The following SERPINB12 variants were observed in gnomAD, a reference collection of about 807,000 sequenced individuals.
SERPINB12 encodes the protein serpin family B member 12, also known as serpin B12.
In SERPINB12, 57 loss-of-function variants were observed where a neutral mutation model predicts 41.1. That is an observed-to-expected ratio of 1.39 (90% CI 1.12 to 1.73). SERPINB12 has a LOEUF of 1.73. Ranked by LOEUF, SERPINB12 falls within the 40% of genes most tolerant of loss-of-function variation. The pLI is 0.00. For missense variants in SERPINB12, 536 were observed against 501.9 expected, an observed-to-expected ratio of 1.07 and a Z score of -0.65; for synonymous variants, 180 against 181.3, an observed-to-expected ratio of 0.99 and a Z score of 0.06.
At chr18:63,562,806 C>T (rs1910957177) in intron 5 of SERPINB12, among the ~76,000 whole-genome samples, 1 of 152,176 alleles carries the variant, frequency 6.6e-6, no homozygotes. Flanking sequence ...TCAACCTAAT[C>T]TATTATTATG....
At chr18:63,547,869 C>A (rs1418764631) in intron 1 of SERPINB12, among the ~76,000 whole-genome samples, 1 of 152,094 alleles carries the variant, frequency 6.6e-6, no homozygotes, top group Non-Finnish European at 1.5e-5. Context: ...GCTAAATAGT[C>A]TTCTAACATT....
chr18:63,525,823 A>G, the SERPINB12 span, among the ~76,000 whole-genome samples: 1 of 152,214 alleles, frequency 6.6e-6, no homozygotes, highest in Non-Finnish European at 1.5e-5. Context: ...TTATCACCCA[A>G]GTAAGAACTT....
At chr18:63,532,765 C>T in the SERPINB12 span, among the ~76,000 whole-genome samples, 53 of 152,200 alleles carry the variant, frequency 3.5e-4, 1 homozygote, top group African/African-American at 1.2e-3. Flanking sequence ...GGTACTAATT[C>T]TGGCTTCTGA....
chr18:63,527,289 A>G, the SERPINB12 span, among the ~76,000 whole-genome samples: 1 of 152,232 alleles, frequency 6.6e-6, no homozygotes, highest in Admixed American at 6.5e-5. Flanking sequence ...GGACAGAGAT[A>G]TATTATAGCT....
the SERPINB12 span, among the ~76,000 whole-genome samples, chr18:63,530,187 G>A: frequency 1.3e-5 from 2 of 152,268 alleles, no homozygotes; most frequent in South Asian, 2.1e-4. Flanking sequence ...GTCCACTGAA[G>A]CAAAGCTCTT....
chr18:63,566,808 T>G lies in SERPINB12; in HGVS notation c.1075T>G (p.Leu359Val). 1 of 1,614,142 alleles carries G rather than the reference T, an allele frequency of 6.2e-7. No homozygotes were observed. Among genetic ancestry groups the G allele is most frequent in the Non-Finnish European group, 8.5e-7 (1 of 1,180,022 alleles). ...TACTGGAATCTCTCCAAGTCCCAAT[T>G]TGTACTTGTCAAAAATTATCCACAA... The part of the protein sequence containing the change: ...DLTGISPSPN[L>V]YLSKIIHKTF... The change falls in exon 8 of 8, where the codon TTG becomes GTG. Residue 359 changes from leucine to valine, a missense_variant. Leu to Val is a conservative substitution (Grantham distance 32). Transcript: ENST00000382768.
In SERPINB12 at chr18:63,557,149, T is replaced by C. The variant is rs191743383; in HGVS notation, c.168+822T>C. On this transcript the variant is annotated intron_variant, in intron 2 of 7. Coordinates refer to ENST00000382768, the MANE Select transcript of SERPINB12 (RefSeq NM_001307928.2). ...ATCCCTCCTCACTGTACCTGTCACA[T>C]TGGCCTCCTGGCTTCCTTGGGTAAG... is the stretch of plus-strand genomic sequence containing the variant. 5.1e-3 allele frequency among the ~76,000 whole-genome samples: 775 copies of C among 152,326 alleles called. 3 individuals carry two copies. Among genetic ancestry groups the C allele is most frequent in the Non-Finnish European group, 7.7e-3 (521 of 68,028 alleles).
chr18:63,519,903 T>G, the SERPINB12 span, among the ~76,000 whole-genome samples: 1 of 152,300 alleles, frequency 6.6e-6, no homozygotes, highest in South Asian at 2.1e-4. Context: ...TCTGAGGCAG[T>G]TTCCAAGGAT....
At chr18:63,562,641 C>T (rs1910951454) in intron 5 of SERPINB12, among the ~76,000 whole-genome samples, 1 of 151,996 alleles carries the variant, frequency 6.6e-6, no homozygotes. Context: ...TTGCTTTTTC[C>T]TTCTTTCATA....
the SERPINB12 span, among the ~76,000 whole-genome samples, chr18:63,533,333 A>T: frequency 2.0e-5 from 3 of 152,204 alleles, no homozygotes; most frequent in African/African-American, 7.2e-5. Flanking sequence ...ATGTGTAAGA[A>T]GGTTGAATCC....
rs753843820 is a variant in SERPINB12 at position 63,559,724 on chromosome 18, T to C, written c.444+6T>C. On this transcript the variant is annotated splice_donor_region_variant and intron_variant, in intron 4 of 7. Coordinates refer to ENST00000382768, the MANE Select transcript of SERPINB12 (RefSeq NM_001307928.2). ...AGGAATTCCCAATCTGTCAGGTGAG[T>C]TGCACACGAATGGTGACTAAAGCTA... 1.2e-6 allele frequency: 2 copies of C among 1,613,836 alleles called. No individual in the cohort carries two copies. The highest frequency in any genetic ancestry group is 2.2e-5 in the South Asian group (2 of 91,036).
chr18:63,527,280 G>A, the SERPINB12 span, among the ~76,000 whole-genome samples: 1 of 152,124 alleles, frequency 6.6e-6, no homozygotes, highest in Non-Finnish European at 1.5e-5. Context: ...TTTTATGCTG[G>A]ACAGAGATAT....
At chr18:63,522,987 T>A in the SERPINB12 span, among the ~76,000 whole-genome samples, 4 of 152,200 alleles carry the variant, frequency 2.6e-5, no homozygotes, top group African/African-American at 9.6e-5. Flanking sequence ...CATTTGATAA[T>A]GTTTCCCATA....
chr18:63,533,225 C>A, the SERPINB12 span, among the ~76,000 whole-genome samples: 6 of 152,208 alleles, frequency 3.9e-5, no homozygotes, highest in African/African-American at 1.4e-4. Flanking sequence ...ATCCGCCCAC[C>A]TTGGCCTCCC....
rs2144358627 is a variant in SERPINB12 at position 63,567,402 on chromosome 18, T to C, written c.*391T>C. On this transcript the variant is annotated 3_prime_UTR_variant, in exon 8 of 8. Coordinates refer to ENST00000382768, the MANE Select transcript of SERPINB12 (RefSeq NM_001307928.2). ...AGAGAACATGTTTGACTGGAACGTG[T>C]TTGGAAACTCAGCTCTGTTTCTGGG... Among the ~76,000 whole-genome samples, 1 of 152,142 alleles carries C rather than the reference T, an allele frequency of 6.6e-6. No individual in the cohort carries two copies. The highest frequency in any genetic ancestry group is 2.1e-4 in the South Asian group (1 of 4,824).
chr18:63,536,194 T>G, the SERPINB12 span, among the ~76,000 whole-genome samples: 6,875 of 151,818 alleles, frequency 0.045, 517 homozygotes, highest in African/African-American at 0.16. Context: ...TTTCAAAAAA[T>G]TCATAAAGAA....
upstream of SERPINB12, among the ~76,000 whole-genome samples, chr18:63,538,861 T>C (rs1910221670): frequency 6.6e-6 from 1 of 152,196 alleles, no homozygotes. Context: ...CTTGTTATTG[T>C]CTGTTTTTAA....
intron 1 of SERPINB12, among the ~76,000 whole-genome samples, chr18:63,552,116 C>T (rs189567766): frequency 2.0e-5 from 3 of 152,060 alleles, no homozygotes; most frequent in South Asian, 4.2e-4. Flanking sequence ...ATAATCAAGA[C>T]GAGTGTGGGT....
chr18:63,522,705 G>A, the SERPINB12 span, among the ~76,000 whole-genome samples: 2 of 152,044 alleles, frequency 1.3e-5, no homozygotes, highest in Non-Finnish European at 2.9e-5. Flanking sequence ...ATCTGCATTC[G>A]AGAGTACTGG....
Sources: gnomAD v4.1 joint callset for allele counts (sites outside exome capture counted in the v4.1 genomes callset) on GRCh38, gnomAD v4.1.1 for gene constraint, MANE v1.5 for transcripts, NCBI Gene and HGNC (gene_info 2026-07-23, HGNC 2026-07-21) for gene names.